The following DLC1 variants were observed in gnomAD, a reference collection of about 807,000 sequenced individuals.
DLC1 encodes the protein rho GTPase-activating protein 7.
A neutral mutation model predicts 140.3 loss-of-function variants in DLC1; 54 were observed. The observed-to-expected ratio is 0.38, with a 90% CI of 0.31 to 0.48. DLC1 has a LOEUF of 0.48. DLC1 is among the 20% of genes least tolerant of loss of function. The pLI is 0.96. For missense variants in DLC1, 2,536 were observed against 1,907.0 expected (o/e 1.33, Z -6.14); for synonymous variants, 986 against 728.1 (o/e 1.35, Z -5.70).
chr8:13,598,405 A>T (rs1383666643), intron 1 of DLC1, among the ~76,000 whole-genome samples: 1 of 151,594 alleles, frequency 6.6e-6, no homozygotes, highest in African/African-American at 2.4e-5. Flanking sequence ...AGGCTTTGTC[A>T]GTTTCATTGT....
At chr8:13,324,871 G>C (rs186291053) in intron 4 of DLC1, among the ~76,000 whole-genome samples, 2 of 152,182 alleles carry the variant, frequency 1.3e-5, no homozygotes, top group East Asian at 3.9e-4. Flanking sequence ...GTGTCTGTCT[G>C]TATTTCTAGG....
intron 3 of DLC1, among the ~76,000 whole-genome samples, chr8:13,394,250 T>G (rs1207065397): frequency 6.6e-6 from 1 of 152,232 alleles, no homozygotes; most frequent in Non-Finnish European, 1.5e-5. Flanking sequence ...GAATTATGTC[T>G]TGTTATGTGT....
chr8:13,444,058 A>G (rs73555437), intron 2 of DLC1, among the ~76,000 whole-genome samples: 6,572 of 152,328 alleles, frequency 0.043, 172 homozygotes, highest in Middle Eastern at 0.082. Context: ...AAAGTAAAGC[A>G]AAAATATTTC....
At chr8:13,561,397 C>G (rs1356153687) in intron 1 of DLC1, among the ~76,000 whole-genome samples, 2 of 152,110 alleles carry the variant, frequency 1.3e-5, no homozygotes, top group East Asian at 1.9e-4. Context: ...CCAGGCTGGT[C>G]TTGAACTCCT....
chr8:13,566,975 G>A (rs1429012885), intron 1 of DLC1: 3 of 1,529,864 alleles, frequency 2.0e-6, no homozygotes, highest in South Asian at 1.2e-5. Context: ...ATGAGGAGCC[G>A]AGCCTGATGC....
intron 4 of DLC1, among the ~76,000 whole-genome samples, chr8:13,373,070 C>G (rs539021609): frequency 3.9e-5 from 6 of 151,996 alleles, no homozygotes; most frequent in Admixed American, 3.9e-4. Flanking sequence ...GACTAGAGTG[C>G]CGTGGTGCGA....
chr8:13,496,166 C>A lies in DLC1; in HGVS notation c.1023+2883G>T, dbSNP rs1027392080. On this transcript the variant is annotated intron_variant, in intron 2 of 17. Transcript: ENST00000276297. The stretch of plus-strand genomic sequence containing the variant: ...TGAAAATGTGGCACATGTGTGCCTC[C>A]AAAAAACTTATCTCTTCTAAACCAG... 1.2e-4 allele frequency among the ~76,000 whole-genome samples: 19 copies of A among 152,060 alleles called. 1 individual carries two copies. The highest frequency in any genetic ancestry group is 5.9e-5 in the Non-Finnish European group (4 of 68,008).
At chr8:13,574,533 C>A (rs1204109041) in intron 1 of DLC1, among the ~76,000 whole-genome samples, 1 of 152,022 alleles carries the variant, frequency 6.6e-6, no homozygotes, top group Non-Finnish European at 1.5e-5. Flanking sequence ...CACATATTTT[C>A]CTAATTGTTG....
intron 1 of DLC1, among the ~76,000 whole-genome samples, chr8:13,559,782 AT>A (rs1248394642): frequency 3.9e-4 from 60 of 152,316 alleles, no homozygotes; most frequent in Non-Finnish European, 2.9e-5. Flanking sequence ...TTAATGGCAC[AT>A]TTCTGTGTTC....
intron 1 of DLC1, among the ~76,000 whole-genome samples, chr8:13,521,060 A>G (rs1802750740): frequency 6.6e-6 from 1 of 152,196 alleles, no homozygotes; most frequent in Non-Finnish European, 1.5e-5. Context: ...ACCATGGAAT[A>G]CTTTGCAGCC....
At chr8:13,446,109 A>AAC (rs1798765507) in intron 2 of DLC1, among the ~76,000 whole-genome samples, 3 of 152,166 alleles carry the variant, frequency 2.0e-5, no homozygotes, top group African/African-American at 7.2e-5. Flanking sequence ...CAGAAAAATC[A>AAC]CATCAAGACA....
At chr8:13,179,433 A>C (rs1019832200) in intron 5 of DLC1, among the ~76,000 whole-genome samples, 3 of 152,204 alleles carry the variant, frequency 2.0e-5, no homozygotes, top group Admixed American at 6.5e-5. Flanking sequence ...TTAATAAAGA[A>C]TTAATGGCTG....
intron 2 of DLC1, among the ~76,000 whole-genome samples, chr8:13,409,354 C>A (rs987127950): frequency 6.6e-6 from 1 of 152,096 alleles, no homozygotes; most frequent in South Asian, 2.1e-4. Context: ...TGCTTTACTA[C>A]AAGTAGAGAG....
intron 5 of DLC1, among the ~76,000 whole-genome samples, chr8:13,141,587 C>G (rs1321015091): frequency 6.6e-6 from 1 of 152,042 alleles, no homozygotes; most frequent in East Asian, 1.9e-4. Flanking sequence ...TGGATTGGTC[C>G]TAAAATAAGA....
chr8:13,114,196 T>C (rs1820349933), intron 6 of DLC1, among the ~76,000 whole-genome samples: 1 of 152,108 alleles, frequency 6.6e-6, no homozygotes, highest in South Asian at 2.1e-4. Context: ...ACCCCGGCTC[T>C]ACTAAAAACA....
At chr8:13,165,857 T>C (rs934144810) in intron 5 of DLC1, among the ~76,000 whole-genome samples, 1 of 152,158 alleles carries the variant, frequency 6.6e-6, no homozygotes, top group African/African-American at 2.4e-5. Flanking sequence ...GACCCATATA[T>C]TGGCTCTCTG....
intron 4 of DLC1, among the ~76,000 whole-genome samples, chr8:13,387,103 C>T (rs1295151539): frequency 6.6e-6 from 1 of 151,866 alleles, no homozygotes; most frequent in Non-Finnish European, 1.5e-5. Flanking sequence ...TTAAAAATTC[C>T]ATGTATATCG....
intron 2 of DLC1, among the ~76,000 whole-genome samples, chr8:13,435,726 C>T (rs1385370392): frequency 6.6e-6 from 1 of 152,170 alleles, no homozygotes; most frequent in Non-Finnish European, 1.5e-5. Context: ...TTGAATATTA[C>T]AAAAATTTAG....
chr8:13,286,145 G>T (rs546356460), intron 5 of DLC1, among the ~76,000 whole-genome samples: 1 of 152,178 alleles, frequency 6.6e-6, no homozygotes, highest in Admixed American at 6.5e-5. Flanking sequence ...AGAAGTGATA[G>T]AATTGGGTCA....
Sources: gnomAD v4.1 joint callset for allele counts (sites outside exome capture counted in the v4.1 genomes callset) on GRCh38, gnomAD v4.1.1 for gene constraint, MANE v1.5 for transcripts, NCBI Gene and HGNC (gene_info 2026-07-23, HGNC 2026-07-21) for gene names.